The following ARHGAP19 variants were observed in gnomAD, a reference collection of about 807,000 sequenced individuals.
ARHGAP19 encodes rho GTPase-activating protein 19.
ARHGAP19 carries 48 observed loss-of-function variants against 60.9 expected under a neutral mutation model. That is an observed-to-expected ratio of 0.79 (90% CI 0.62 to 1.00). ARHGAP19 has a LOEUF of 1.00. Ranked by LOEUF, ARHGAP19 falls within the 50% of genes least tolerant of loss-of-function variation. The pLI is 0.00. For synonymous variants in ARHGAP19, 209 were observed against 215.5 expected, an observed-to-expected ratio of 0.97 and a Z score of 0.27; for missense variants, 562 against 597.2, an observed-to-expected ratio of 0.94 and a Z score of 0.61.
At chr10:97,290,231 G>A (rs188197362) in intron 1 of ARHGAP19, among the ~76,000 whole-genome samples, 145 of 152,274 alleles carry the variant, frequency 9.5e-4, no homozygotes, top group African/African-American at 2.4e-3. Context: ...CTCTACCACT[G>A]CTGTTTGCCG....
intron 8 of ARHGAP19, among the ~76,000 whole-genome samples, chr10:97,238,722 CTAAAGG>C (rs1842422513): frequency 6.6e-6 from 1 of 151,926 alleles, no homozygotes; most frequent in Non-Finnish European, 1.5e-5. Flanking sequence ...TTACAGTAAG[CTAAAGG>C]TAATTAATTA....
At chr10:97,239,367 G>A (rs1266100868) in intron 8 of ARHGAP19, among the ~76,000 whole-genome samples, 1 of 151,936 alleles carries the variant, frequency 6.6e-6, no homozygotes, top group South Asian at 2.1e-4. Flanking sequence ...ATGGTGGCAC[G>A]CGCCTGTAGT....
chr10:97,281,078 A>G (rs952214751), intron 1 of ARHGAP19, among the ~76,000 whole-genome samples: 1 of 152,116 alleles, frequency 6.6e-6, no homozygotes, highest in African/African-American at 2.4e-5. Context: ...AAGTTCACAA[A>G]TTGAAAATTC....
chr10:97,271,318 A>G (rs936298236), intron 1 of ARHGAP19, among the ~76,000 whole-genome samples: 2 of 152,006 alleles, frequency 1.3e-5, no homozygotes, highest in Non-Finnish European at 2.9e-5. Context: ...CGTACTATCC[A>G]TTCATAATAA....
intron 1 of ARHGAP19, among the ~76,000 whole-genome samples, chr10:97,280,052 C>T (rs1843063874): frequency 6.6e-6 from 1 of 152,092 alleles, no homozygotes; most frequent in Non-Finnish European, 1.5e-5. Context: ...GCTGCTGACA[C>T]CTTCCTTAAT....
At chr10:97,240,767 T>C (rs1166092871) in intron 8 of ARHGAP19, among the ~76,000 whole-genome samples, 1 of 152,206 alleles carries the variant, frequency 6.6e-6, no homozygotes, top group Non-Finnish European at 1.5e-5. Context: ...TACATTATGA[T>C]TTTTTCTTTT....
At chr10:97,283,142 G>A (rs1843107841) in intron 1 of ARHGAP19, among the ~76,000 whole-genome samples, 1 of 151,996 alleles carries the variant, frequency 6.6e-6, no homozygotes, top group Non-Finnish European at 1.5e-5. Context: ...CCGCCCGGCT[G>A]TTACTATGTA....
At chr10:97,232,527 T>C (rs1851044544) in intron 9 of ARHGAP19, among the ~76,000 whole-genome samples, 2 of 152,146 alleles carry the variant, frequency 1.3e-5, no homozygotes. Flanking sequence ...TAGATTATTA[T>C]GGATATTAAT....
chr10:97,283,280 A>G (rs1194401041), intron 1 of ARHGAP19, among the ~76,000 whole-genome samples: 1 of 152,018 alleles, frequency 6.6e-6, no homozygotes, highest in Admixed American at 6.6e-5. Flanking sequence ...AGTGTAGGTG[A>G]GAGTGTTCAC....
At chr10:97,229,672 G>GAAACACAGTA (rs1435665192) in intron 10 of ARHGAP19, 92 bp downstream of exon 10, 29 of 962,798 alleles carry the variant, frequency 3.0e-5, no homozygotes, top group Non-Finnish European at 4.6e-5. Context: ...ATGGCCCAAA[G>GAAACACAGTA]AAACACAGTA....
At chr10:97,263,698 G>C in intron 3 of ARHGAP19, 69 bp from the exon 4 acceptor site, 7 of 1,479,128 alleles carry the variant, frequency 4.7e-6, no homozygotes, top group South Asian at 1.1e-5. Context: ...AAAATAAATG[G>C]TCTAAAGACT....
In ARHGAP19 at chr10:97,244,095, C is replaced by T. The variant is rs529735004; in HGVS notation, c.1058G>A (p.Arg353Gln). 14 of 1,613,938 alleles carry T rather than the reference C, an allele frequency of 8.7e-6. No individual in the cohort carries two copies. In the East Asian group the frequency reaches 1.6e-4, roughly 18 times the overall value. Residue 353 changes from arginine (R) to glutamine (Q), a missense_variant, in exon 8 of 12, where the codon CGG (arginine) becomes CAG (glutamine). Transcript: ENST00000358531. Reference protein sequence around the residue: ...KSFQLAKSQKRNRVDSCPHQE... With the variant: ...KSFQLAKSQKQNRVDSCPHQE... ...GTGAGGGCAGGAATCTACCCGGTTC[C>T]GTTTCTGAGACTTTGCCAGCTGAAA...
intron 8 of ARHGAP19, among the ~76,000 whole-genome samples, chr10:97,238,528 T>A (rs1842419054): frequency 1.3e-5 from 2 of 152,226 alleles, no homozygotes; most frequent in South Asian, 4.1e-4. Context: ...TGTGTCTTAA[T>A]TTTTAATTAA....
chr10:97,234,372 T>A (rs1319441079), intron 9 of ARHGAP19, among the ~76,000 whole-genome samples: 2 of 134,512 alleles, frequency 1.5e-5, no homozygotes, highest in African/African-American at 5.8e-5. Flanking sequence ...TTTACCTATA[T>A]AACAAACCTG....
At chr10:97,241,572 G>A (rs1485721763) in intron 8 of ARHGAP19, among the ~76,000 whole-genome samples, 1 of 151,326 alleles carries the variant, frequency 6.6e-6, no homozygotes, top group African/African-American at 2.4e-5. Context: ...AATTAGTCAG[G>A]CGTTGTGACA....
chr10:97,283,772 A>G (rs1843118136), intron 1 of ARHGAP19, among the ~76,000 whole-genome samples: 1 of 147,250 alleles, frequency 6.8e-6, no homozygotes, highest in South Asian at 2.2e-4. Context: ...AGGTGGGAGG[A>G]GTACATGAGC....
At chr10:97,235,032 T>C (rs1452210990) in intron 9 of ARHGAP19, among the ~76,000 whole-genome samples, 185 bp downstream of exon 9, 1 of 152,214 alleles carries the variant, frequency 6.6e-6, no homozygotes, top group Non-Finnish European at 1.5e-5. Flanking sequence ...GCCCCTTCTC[T>C]GATGTGCAAC....
chr10:97,243,618 A>C (rs871988), intron 8 of ARHGAP19, among the ~76,000 whole-genome samples: 41,506 of 152,156 alleles, frequency 0.27, 6,269 homozygotes, highest in Middle Eastern at 0.36. Flanking sequence ...TTACCATTTT[A>C]CAAACAAAAC....
chr10:97,259,307 C>A, intron 5 of ARHGAP19, 95 bp downstream of exon 5: 1 of 1,008,050 alleles, frequency 9.9e-7, no homozygotes, highest in South Asian at 1.4e-5. Context: ...GAAGGCTAGA[C>A]CTTGGACCCT....
Sources: allele counts gnomAD v4.1 joint callset (sites outside exome capture counted in the v4.1 genomes callset), GRCh38; gene constraint gnomAD v4.1.1; transcripts MANE v1.5; gene names NCBI Gene and HGNC (gene_info 2026-07-23, HGNC 2026-07-21).